GALNT16: variants seen among roughly 807,000 people sequenced by gnomAD.
The protein encoded by GALNT16 is UDP-GalNAc:polypeptide N-acetylgalactosaminyltransferase-like protein 1.
A neutral mutation model predicts 76.1 loss-of-function variants in GALNT16; 40 were observed. The observed-to-expected ratio is 0.53, with a 90% CI of 0.41 to 0.68. GALNT16 has a LOEUF of 0.68. Ranked by LOEUF, GALNT16 falls within the 30% of genes least tolerant of loss-of-function variation. The pLI is 0.00. For synonymous variants in GALNT16, 276 were observed against 285.2 expected (o/e 0.97, Z 0.32); for missense variants, 621 against 731.9 (o/e 0.85, Z 1.75).
Position 69,343,141 on chromosome 14 carries a change from G to A in GALNT16, c.1271+1377G>A, listed in dbSNP as rs537021331. Reference sequence around the variant, plus strand: ...TACGCCTCAATCATGTCTAAAAGCCGCATGCGCCCTCTATAGCTGTCACCT... The same window carrying A: ...TACGCCTCAATCATGTCTAAAAGCCACATGCGCCCTCTATAGCTGTCACCT... On this transcript the variant is annotated intron_variant, in intron 12 of 14. Coordinates refer to ENST00000448469, the MANE Select transcript of GALNT16 (RefSeq NM_001168368.2). Among the ~76,000 whole-genome samples the A allele has an allele frequency of 8.5e-5, 13 of 152,294 alleles. No individual in the cohort carries two copies. The East Asian group carries it at 2.3e-3, about 27-fold the overall frequency.
rs78726084 is a variant in GALNT16, at chr14:69,280,456, C to T, written c.177+19989C>T. On this transcript the variant is annotated intron_variant, in intron 1 of 14. Transcript: ENST00000448469. ...ATCCATTCATCCATCAGTGAACCTC[C>T]CGGGCTGCTTCGACATTTTGGCTAA... Among the ~76,000 whole-genome samples, 890 of 152,256 alleles carry T rather than the reference C, an allele frequency of 5.8e-3. 7 individuals are homozygous for T. The highest frequency in any genetic ancestry group is 0.021 in the African/African-American group (862 of 41,534).
intron 1 of GALNT16, among the ~76,000 whole-genome samples, chr14:69,311,868 G>A (rs1425011986): frequency 6.6e-6 from 1 of 152,056 alleles, no homozygotes; most frequent in East Asian, 1.9e-4. Flanking sequence ...CACTATAAGT[G>A]TTCTATATGT....
chr14:69,384,678 T>C, the GALNT16 span, among the ~76,000 whole-genome samples: 3 of 151,796 alleles, frequency 2.0e-5, no homozygotes, highest in Non-Finnish European at 2.9e-5. Flanking sequence ...TAGAAAATTA[T>C]CAATAATTTT....
rs2045382401 is a variant in GALNT16, at chr14:69,333,521, C to T, written c.888C>T (p.Ile296=). 2 of 1,610,784 alleles carry T rather than the reference C, an allele frequency of 1.2e-6. No individual in the cohort carries two copies. The highest frequency in any genetic ancestry group is 1.3e-5 in the African/African-American group (1 of 74,802). ...GGACGCCTGTCATAGCTGGAGGAAT[C>T]TTCGTGATCGACAAGTCCTGGTTTA... is the stretch of plus-strand genomic sequence containing the variant. ...PIRTPVIAGG[I]FVIDKSWFNH... Residue 296 remains isoleucine (I), a synonymous_variant, in exon 9 of 15, where the codon ATC becomes ATT. Transcript: ENST00000448469. The surrounding 1 kb of genome is among the most constrained non-coding windows in gnomAD (Gnocchi z 4.2).
At chr14:69,306,468 C>A (rs1334605864) in intron 1 of GALNT16, among the ~76,000 whole-genome samples, 1 of 152,126 alleles carries the variant, frequency 6.6e-6, no homozygotes, top group East Asian at 1.9e-4. Context: ...TTAAAGAGTA[C>A]CTAGTTCCCC....
At chr14:69,289,997 C>G (rs985571834) in intron 1 of GALNT16, among the ~76,000 whole-genome samples, 13 of 152,152 alleles carry the variant, frequency 8.5e-5, no homozygotes, top group African/African-American at 3.1e-4. Context: ...CCTCGGCCTC[C>G]CAAAGTGCTA....
At chr14:69,286,572 G>C (rs1186198291) in intron 1 of GALNT16, among the ~76,000 whole-genome samples, 1 of 152,080 alleles carries the variant, frequency 6.6e-6, no homozygotes, top group Non-Finnish European at 1.5e-5. Context: ...CCAAAGTGCT[G>C]GGATTACAGG....
rs2045169216 is a variant in GALNT16 at position 69,320,818 on chromosome 14, G to A, written c.285G>A (p.Glu95=). Residue 95 remains glutamate, a synonymous_variant, in exon 2 of 15, where the codon GAG becomes GAA. Coordinates refer to ENST00000448469, the MANE Select transcript of GALNT16 (RefSeq NM_001168368.2). ...GACAGCACGCCTTCAACCAGCTGGAGAGTGACAAGCTGAGCCCAGACCGGC... is the reference window on the plus strand; with the variant it reads ...GACAGCACGCCTTCAACCAGCTGGAAAGTGACAAGCTGAGCCCAGACCGGC... The part of the protein sequence containing the change: ...PYRQHAFNQL[E]SDKLSPDRPI... 1 of 1,614,100 alleles carries A rather than the reference G, an allele frequency of 6.2e-7. No homozygotes were observed. The highest frequency in any genetic ancestry group is 8.5e-7 in the Non-Finnish European group (1 of 1,180,032).
chr14:69,353,212 C>T lies in GALNT16; in HGVS notation c.*1044C>T, dbSNP rs2045660608. 6.6e-6 allele frequency: 1 copy of T among 152,206 alleles called. No individual in the cohort carries two copies. The highest frequency in any genetic ancestry group is 2.1e-4 in the South Asian group (1 of 4,828). 9.4% of individuals were successfully genotyped at this position (152,206 alleles called of 1,614,324 possible). A position where few individuals can be genotyped will look rare whatever the true frequency, so the allele number is the denominator to read the frequency against. The stretch of plus-strand genomic sequence containing the variant: ...GGTTGGAAAGAAGGGAACTTCCCTT[C>T]TGGACCAAGAACAGCCCCTAAGTCA... On this transcript the variant is annotated 3_prime_UTR_variant, in exon 15 of 15. Coordinates refer to ENST00000448469, the MANE Select transcript of GALNT16 (RefSeq NM_001168368.2).
chr14:69,297,537 A>G lies in GALNT16; in HGVS notation c.178-23174A>G, dbSNP rs368161492. Among the ~76,000 whole-genome samples, 7 of 152,098 alleles carry G rather than the reference A, an allele frequency of 4.6e-5. No individual in the cohort carries two copies. In the East Asian group the frequency reaches 1.2e-3, roughly 25 times the overall value. On this transcript the variant is annotated intron_variant, in intron 1 of 14. Transcript: ENST00000448469. ...TTCACCCATTAAAGTGTACCAGTCC[A>G]TGGTTTTTAGTACTTAGCTCACTTT...
At chr14:69,355,184 T>A (rs982484015), downstream of GALNT16, 1 of 152,310 alleles carries the variant, frequency 6.6e-6, no homozygotes, top group South Asian at 2.1e-4. Flanking sequence ...CAACCATTTC[T>A]GCCCTCAGCC....
the GALNT16 span, chr14:69,380,780 C>T: frequency 1.7e-6 from 1 of 584,272 alleles, no homozygotes; most frequent in Non-Finnish European, 3.1e-6. Context: ...GAAAGAGCTA[C>T]TTACACAGTC....
intron 1 of GALNT16, among the ~76,000 whole-genome samples, chr14:69,262,717 G>A (rs12586855): frequency 2.0e-5 from 3 of 152,104 alleles, no homozygotes; most frequent in South Asian, 2.1e-4. Flanking sequence ...TGACCCCCCC[G>A]TCAGGCACCA....
chr14:69,283,587 G>C (rs759019534), intron 1 of GALNT16, among the ~76,000 whole-genome samples: 11 of 152,090 alleles, frequency 7.2e-5, no homozygotes, highest in Non-Finnish European at 1.3e-4. Flanking sequence ...TCATCACAGG[G>C]ATGAAGACCA....
intron 12 of GALNT16, among the ~76,000 whole-genome samples, 200 bp downstream of exon 12, chr14:69,341,964 C>T (rs574137252): frequency 1.3e-4 from 20 of 152,210 alleles, no homozygotes; most frequent in African/African-American, 4.6e-4. Flanking sequence ...TGGTGGGAAC[C>T]GAATTTTTAA....
At chr14:69,354,798 A>T (rs1005410063), downstream of GALNT16, 1 of 152,224 alleles carries the variant, frequency 6.6e-6, no homozygotes, top group Non-Finnish European at 1.5e-5. Context: ...TGGAAAGCAA[A>T]TTGCTTCTCC....
intron 9 of GALNT16, 113 bp from the exon 10 acceptor site, chr14:69,338,538 C>T (rs1429680059): frequency 1.6e-5 from 23 of 1,474,384 alleles, no homozygotes; most frequent in Admixed American, 2.0e-5. Context: ...CCAGGAGCCC[C>T]GACCCCAACA....
rs115982527 is a variant in GALNT16 at position 69,287,461 on chromosome 14, G to A, written c.177+26994G>A. Among the ~76,000 whole-genome samples, 790 of 152,314 alleles carry A rather than the reference G, an allele frequency of 5.2e-3. 5 individuals carry two copies. The highest frequency in any genetic ancestry group is 0.017 in the African/African-American group (724 of 41,570). On this transcript the variant is annotated intron_variant, in intron 1 of 14. Transcript: ENST00000448469. ...GGGTAATCTTTCTTTTTAGCAAACA[G>A]AACTGAGTAGCACACAGCGTTTCCC...
chr14:69,325,882 G>A (rs1382781930), intron 4 of GALNT16, 80 bp from the exon 5 acceptor site: 4 of 1,112,540 alleles, frequency 3.6e-6, no homozygotes, highest in Non-Finnish European at 5.5e-6. Flanking sequence ...CTTAGTATGG[G>A]GCAATTTTCA....
Sources: gnomAD v4.1 joint callset for allele counts (sites outside exome capture counted in the v4.1 genomes callset) on GRCh38, gnomAD v4.1.1 for gene constraint, Gnocchi (gnomAD v3.1) non-coding constraint, MANE v1.5 for transcripts, NCBI Gene and HGNC (gene_info 2026-07-23, HGNC 2026-07-21) for gene names.